The following RNLS variants were observed in gnomAD, a reference collection of about 807,000 sequenced individuals.
The protein encoded by RNLS is renalase, FAD dependent amine oxidase.
Under a neutral mutation model 39.8 loss-of-function variants are expected in RNLS, and 39 were observed. That is an observed-to-expected ratio of 0.98 (90% CI 0.76 to 1.28). RNLS has a LOEUF of 1.28. RNLS is among the 50% of genes most tolerant of loss of function. RNLS has a pLI of 0.00. For synonymous variants in RNLS, 147 were observed against 150.7 expected (o/e 0.98, Z 0.18); for missense variants, 410 against 413.3 (o/e 0.99, Z 0.07).
At chr10:88,379,519 GGTAA>G (rs1008627583) in intron 4 of RNLS, among the ~76,000 whole-genome samples, 1 of 151,986 alleles carries the variant, frequency 6.6e-6, no homozygotes, top group Non-Finnish European at 1.5e-5. Flanking sequence ...TCTGATACGT[GGTAA>G]GTAAGTGGTT....
intron 4 of RNLS, among the ~76,000 whole-genome samples, chr10:88,371,594 T>C (rs984064261): frequency 6.6e-5 from 10 of 152,190 alleles, no homozygotes; most frequent in Non-Finnish European, 1.3e-4. Flanking sequence ...TCTTTGGAAA[T>C]TAATGAAAAC....
At chr10:88,245,913 C>A in the RNLS span, among the ~76,000 whole-genome samples, 1 of 152,172 alleles carries the variant, frequency 6.6e-6, no homozygotes, top group Non-Finnish European at 1.5e-5. Flanking sequence ...TTCTGTTTAT[C>A]TTTTTGTTCA....
chr10:88,185,687 A>G, the RNLS span, among the ~76,000 whole-genome samples: 1 of 152,184 alleles, frequency 6.6e-6, no homozygotes, highest in Admixed American at 6.6e-5. Context: ...AGCTCTGTCA[A>G]TTAACCAAAT....
At chr10:88,284,009 T>C (rs1336894316), downstream of RNLS, 1 of 469,790 alleles carries the variant, frequency 2.1e-6, no homozygotes, top group African/African-American at 2.1e-5. Flanking sequence ...TGGGCGAAAA[T>C]AACAAAAAAT....
intron 5 of RNLS, among the ~76,000 whole-genome samples, chr10:88,358,187 A>T (rs1849344249): frequency 6.6e-6 from 1 of 152,210 alleles, no homozygotes; most frequent in Non-Finnish European, 1.5e-5. Context: ...AAATTTTCTC[A>T]AATTTTAACT....
Position 88,362,573 on chromosome 10 carries a change from C to T in RNLS, c.679G>A (p.Asp227Asn), listed in dbSNP as rs2133369982. ...TGACCTATATTGCGCTTCTTATTAT[C>T]AATGGAGACGAAGCGTATGCAGGGA... is the stretch of plus-strand genomic sequence containing the variant. ...SNPCIRFVSI[D>N]NKKRNIESSE... Residue 227 changes from aspartate (D) to asparagine (N), a missense_variant, in exon 5 of 7, where the codon GAT (aspartate) becomes AAT (asparagine). Transcript: ENST00000331772. 2 of 1,613,702 alleles carry T rather than the reference C, an allele frequency of 1.2e-6. No homozygotes were observed. Among genetic ancestry groups the T allele is most frequent in the Middle Eastern group, 3.3e-4 (2 of 6,054 alleles).
downstream of RNLS, among the ~76,000 whole-genome samples, chr10:88,282,303 A>T (rs1484753408): frequency 6.6e-6 from 1 of 152,092 alleles, no homozygotes; most frequent in African/African-American, 2.4e-5. Context: ...TGGCAGCAGC[A>T]TGGTGCCTGT....
At chr10:88,241,462 T>C in the RNLS span, among the ~76,000 whole-genome samples, 1 of 152,232 alleles carries the variant, frequency 6.6e-6, no homozygotes, top group African/African-American at 2.4e-5. Flanking sequence ...GATTCTCTTA[T>C]GATTTTTAAA....
chr10:88,466,195 A>T (rs1323898215), intron 4 of RNLS, among the ~76,000 whole-genome samples: 1 of 152,130 alleles, frequency 6.6e-6, no homozygotes, highest in South Asian at 2.1e-4. Context: ...GGACAAGCTA[A>T]ACTGGAGAAA....
At chr10:88,359,310 C>T (rs1159867245) in intron 5 of RNLS, among the ~76,000 whole-genome samples, 1 of 59,898 alleles carries the variant, frequency 1.7e-5, no homozygotes, top group Non-Finnish European at 3.3e-5. Context: ...AGCGAAACTA[C>T]ATTAAAAAAA....
chr10:88,466,247 GA>G (rs1280053610), intron 4 of RNLS, among the ~76,000 whole-genome samples: 1 of 151,872 alleles, frequency 6.6e-6, no homozygotes, highest in Admixed American at 6.6e-5. Context: ...AGCTATCATT[GA>G]AAAAAAGTCC....
At chr10:88,172,842 GTTTTTTTTTTTT>G in the RNLS span, among the ~76,000 whole-genome samples, 36 of 43,770 alleles carry the variant, frequency 8.2e-4, no homozygotes, top group South Asian at 8.9e-3. Flanking sequence ...ATTTTGAGTT[GTTTTTTTTTTTT>G]TTTTTTTTTT....
chr10:88,216,356 G>A, the RNLS span, among the ~76,000 whole-genome samples: 2 of 152,088 alleles, frequency 1.3e-5, no homozygotes, highest in East Asian at 3.8e-4. Flanking sequence ...TGGATCTAGG[G>A]GCTCAAATAA....
downstream of RNLS, among the ~76,000 whole-genome samples, chr10:88,280,196 G>A (rs188356935): frequency 6.6e-6 from 1 of 152,206 alleles, no homozygotes; most frequent in Admixed American, 6.5e-5. Context: ...GGTTTTATAT[G>A]AACGTAAGCC....
chr10:88,415,154 C>T (rs1853937858), intron 4 of RNLS, among the ~76,000 whole-genome samples: 1 of 152,204 alleles, frequency 6.6e-6, no homozygotes, highest in African/African-American at 2.4e-5. Context: ...TCAGGGTAAA[C>T]ATTCCTGAGC....
the RNLS span, among the ~76,000 whole-genome samples, chr10:88,268,811 T>C: frequency 2.6e-5 from 4 of 152,352 alleles, no homozygotes; most frequent in African/African-American, 9.6e-5. Context: ...TGCAATGTTC[T>C]GAGTCCCAGT....
intron 4 of RNLS, among the ~76,000 whole-genome samples, chr10:88,497,701 G>A (rs1845250727): frequency 6.6e-6 from 1 of 151,972 alleles, no homozygotes; most frequent in South Asian, 2.1e-4. Flanking sequence ...AGAAAAACTA[G>A]GACAAAGCAG....
chr10:88,292,984 G>A (rs1843780116), intron 6 of RNLS, among the ~76,000 whole-genome samples: 1 of 152,144 alleles, frequency 6.6e-6, no homozygotes, highest in Non-Finnish European at 1.5e-5. Context: ...CAGAGTTGGA[G>A]GTTGCAGTGG....
At chr10:88,576,762 T>C (rs1183274524) in intron 3 of RNLS, among the ~76,000 whole-genome samples, 1 of 152,156 alleles carries the variant, frequency 6.6e-6, no homozygotes, top group African/African-American at 2.4e-5. Context: ...AAAGTAAATA[T>C]TACAATACAG....
Sources: allele counts gnomAD v4.1 joint callset (sites outside exome capture counted in the v4.1 genomes callset), GRCh38; gene constraint gnomAD v4.1.1; transcripts MANE v1.5; gene names NCBI Gene and HGNC (gene_info 2026-07-23, HGNC 2026-07-21).